CDC42SE2: variants seen among roughly 807,000 people sequenced by gnomAD.
The protein encoded by CDC42SE2 is CDC42 small effector 2.
CDC42SE2 carries 3 observed loss-of-function variants against 11.5 expected under a neutral mutation model. The ratio of observed to expected loss-of-function variants is 0.26; its 90% CI spans 0.12 to 0.67. CDC42SE2 has a LOEUF of 0.67. Among genes scored for constraint, CDC42SE2 ranks in the 30% least tolerant of loss-of-function variants. CDC42SE2 has a pLI of 0.80. For synonymous variants in CDC42SE2, 33 were observed against 34.8 expected (o/e 0.95, Z 0.18); for missense variants, 82 against 106.8 (o/e 0.77, Z 1.02).
intron 1 of CDC42SE2, among the ~76,000 whole-genome samples, chr5:131,301,417 A>G (rs779484429): frequency 6.6e-6 from 1 of 152,182 alleles, no homozygotes; most frequent in Non-Finnish European, 1.5e-5. Context: ...TTATTTACTG[A>G]AACATCACTA....
chr5:131,348,113 C>T (rs1356234429), intron 2 of CDC42SE2, among the ~76,000 whole-genome samples: 1 of 152,158 alleles, frequency 6.6e-6, no homozygotes, highest in Non-Finnish European at 1.5e-5. Context: ...CTCAACACTC[C>T]TATTCAACAT....
At chr5:131,264,868 A>T (rs1756823860) in intron 1 of CDC42SE2, among the ~76,000 whole-genome samples, 2 of 152,246 alleles carry the variant, frequency 1.3e-5, no homozygotes, top group Non-Finnish European at 2.9e-5. Context: ...GTAAGAAACA[A>T]CATTGGGGAT....
intron 2 of CDC42SE2, among the ~76,000 whole-genome samples, chr5:131,317,834 A>C (rs1242909611): frequency 6.6e-6 from 1 of 150,810 alleles, no homozygotes; most frequent in Non-Finnish European, 1.5e-5. Context: ...TGAATCCTTC[A>C]AAAAGAGATT....
In CDC42SE2 at chr5:131,392,004, T is replaced by G. The variant is rs1750671302; in HGVS notation, c.*913T>G. On this transcript the variant is annotated 3_prime_UTR_variant, in exon 5 of 5. Transcript: ENST00000505065. ...TCTGAAGAAGATACTGTCAGACGAA[T>G]CCTGCATTTCCTTCAGCTGGCATGC... 6.6e-6 allele frequency: 1 copy of G among 152,412 alleles called. No homozygotes were observed. The highest frequency in any genetic ancestry group is 2.4e-5 in the African/African-American group (1 of 41,462). The allele number at this position is 152,412 out of a possible 1,614,324, so 9.4% of individuals were successfully genotyped here.
At chr5:131,333,041 C>T (rs973196271) in intron 2 of CDC42SE2, among the ~76,000 whole-genome samples, 2 of 152,138 alleles carry the variant, frequency 1.3e-5, no homozygotes, top group Non-Finnish European at 2.9e-5. Context: ...GAAGTCCTTG[C>T]CCGTGCCTAT....
chr5:131,320,100 C>CTT (rs1758132163), intron 2 of CDC42SE2, among the ~76,000 whole-genome samples: 1 of 114,160 alleles, frequency 8.8e-6, no homozygotes, highest in Non-Finnish European at 1.8e-5. Context: ...AAAAAAGGAA[C>CTT]TAGGCTGGGC....
intron 1 of CDC42SE2, among the ~76,000 whole-genome samples, chr5:131,306,771 A>G (rs893272260): frequency 1.3e-5 from 2 of 152,110 alleles, no homozygotes; most frequent in African/African-American, 4.8e-5. Context: ...TTCTTTCATC[A>G]GTGTTTTATA....
intron 1 of CDC42SE2, among the ~76,000 whole-genome samples, chr5:131,246,205 C>G (rs537142361): frequency 6.6e-6 from 1 of 152,198 alleles, no homozygotes; most frequent in Non-Finnish European, 1.5e-5. Flanking sequence ...CCTGCAATCC[C>G]AGCGCTTTGG....
intron 1 of CDC42SE2, among the ~76,000 whole-genome samples, chr5:131,300,272 A>T (rs1477683886): frequency 6.6e-6 from 1 of 152,152 alleles, no homozygotes; most frequent in African/African-American, 2.4e-5. Flanking sequence ...GTTGCCAAGC[A>T]CCTGGATAAG....
At position 131,293,230 on chromosome 5, in the gene CDC42SE2, T is replaced by C. The variant is rs375964642; in HGVS notation, c.-454-22746T>C. ...AAAAGAGACCCCAGAGAGTTAGCTC[T>C]ACCCTTCTACCATGTGAAGATACAG... On this transcript the variant is annotated intron_variant, in intron 1 of 4. Coordinates refer to ENST00000505065, the MANE Select transcript of CDC42SE2 (RefSeq NM_001375635.1). Among the ~76,000 whole-genome samples the C allele has an allele frequency of 2.6e-4, 40 of 152,280 alleles. 2 individuals are homozygous for C. The East Asian group carries it at 3.3e-3, about 13-fold the overall frequency.
intron 1 of CDC42SE2, among the ~76,000 whole-genome samples, chr5:131,275,363 C>T (rs537222326): frequency 6.8e-6 from 1 of 147,142 alleles, no homozygotes; most frequent in South Asian, 2.1e-4. Context: ...GTGGTGTGAT[C>T]TCGGCTCACT....
intron 2 of CDC42SE2, among the ~76,000 whole-genome samples, chr5:131,344,472 A>C (rs1485225490): frequency 1.3e-5 from 2 of 152,166 alleles, no homozygotes; most frequent in African/African-American, 4.8e-5. Context: ...ACCATTGTTG[A>C]GGCTTGAGTA....
At chr5:131,329,335 C>G (rs926235829) in intron 2 of CDC42SE2, among the ~76,000 whole-genome samples, 20 of 152,028 alleles carry the variant, frequency 1.3e-4, no homozygotes, top group African/African-American at 4.8e-4. Context: ...AGTTTTTGTT[C>G]CCTTTTGTTG....
the CDC42SE2 span, among the ~76,000 whole-genome samples, chr5:131,231,894 C>T: frequency 4.6e-5 from 7 of 151,642 alleles, no homozygotes; most frequent in Admixed American, 2.0e-4. Flanking sequence ...CAGGTTCAAG[C>T]GATTCTCCTG....
chr5:131,390,032 T>A (rs1750601126), intron 4 of CDC42SE2, among the ~76,000 whole-genome samples: 2 of 152,216 alleles, frequency 1.3e-5, no homozygotes, highest in Non-Finnish European at 2.9e-5. Context: ...AAAGAAAATA[T>A]CCCAATTTTC....
the CDC42SE2 span, among the ~76,000 whole-genome samples, chr5:131,227,618 G>T: frequency 6.0e-4 from 92 of 152,072 alleles, no homozygotes; most frequent in African/African-American, 2.2e-3. Flanking sequence ...TCATCCTTTG[G>T]CAACATTTCT....
intron 2 of CDC42SE2, among the ~76,000 whole-genome samples, chr5:131,323,188 G>C (rs185479990): frequency 2.2e-4 from 32 of 148,482 alleles, no homozygotes; most frequent in Middle Eastern, 3.5e-3. Flanking sequence ...CACCACACCT[G>C]GCTTTTTTTT....
chr5:131,247,692 A>C (rs1756608009), intron 1 of CDC42SE2, among the ~76,000 whole-genome samples: 1 of 152,148 alleles, frequency 6.6e-6, no homozygotes, highest in African/African-American at 2.4e-5. Flanking sequence ...CTCAGGCTGG[A>C]GTGCAGTGGC....
chr5:131,387,907 ATT>A (rs1750534379), intron 4 of CDC42SE2, among the ~76,000 whole-genome samples: 1 of 152,150 alleles, frequency 6.6e-6, no homozygotes, highest in Non-Finnish European at 1.5e-5. Context: ...GTTATTTCGT[ATT>A]TGAGTTTGCT....
Sources: allele counts gnomAD v4.1 joint callset (sites outside exome capture counted in the v4.1 genomes callset), GRCh38; gene constraint gnomAD v4.1.1; transcripts MANE v1.5; gene names NCBI Gene and HGNC (gene_info 2026-07-23, HGNC 2026-07-21).